HK1: variants seen among roughly 807,000 people sequenced by gnomAD.
The protein encoded by HK1 is hexokinase-1.
A neutral mutation model predicts 91.6 loss-of-function variants in HK1; 28 were observed. The observed-to-expected ratio is 0.31, with a 90% CI of 0.23 to 0.42. The LOEUF (loss-of-function observed/expected upper bound fraction) is 0.42, where lower values mean the gene tolerates loss of function less well. HK1 is among the 10% of genes least tolerant of loss of function. The pLI, the probability that HK1 is intolerant of heterozygous loss-of-function variation, is 1.00. For synonymous variants in HK1, 430 were observed against 468.1 expected, an observed-to-expected ratio of 0.92 and a Z score of 1.05; for missense variants, 770 against 1,219.8, an observed-to-expected ratio of 0.63 and a Z score of 5.49.
chr10:69,287,186 GAGGCCT>G (rs1845072267), intron 2 of HK1, among the ~76,000 whole-genome samples: 1 of 152,204 alleles, frequency 6.6e-6, no homozygotes, highest in Non-Finnish European at 1.5e-5. Context: ...CATGGCTAGA[GAGGCCT>G]CAGGAAACTT....
intron 2 of HK1, among the ~76,000 whole-genome samples, chr10:69,351,006 TA>T (rs71009213): frequency 0.027 from 2,904 of 108,706 alleles, 41 homozygotes; most frequent in Non-Finnish European, 0.034. Flanking sequence ...CCGTCTCTAC[TA>T]AAAAAAAAAA....
At chr10:69,378,128 C>T (rs1839208077) in intron 8 of HK1, among the ~76,000 whole-genome samples, 1 of 152,094 alleles carries the variant, frequency 6.6e-6, no homozygotes, top group Non-Finnish European at 1.5e-5. Flanking sequence ...TCATGAGTCT[C>T]CTGGTCAGTG....
At chr10:69,310,231 G>A (rs1303726253) in intron 5 of HK1, among the ~76,000 whole-genome samples, 1 of 150,944 alleles carries the variant, frequency 6.6e-6, no homozygotes, top group Non-Finnish European at 1.5e-5. Context: ...GACCAGGCTG[G>A]CCAACATGGC....
chr10:69,301,573 C>CAAAAAA (rs3086649), intron 5 of HK1, among the ~76,000 whole-genome samples: 136 of 80,666 alleles, frequency 1.7e-3, no homozygotes, highest in Middle Eastern at 9.1e-3. Context: ...GACTCTGTCT[C>CAAAAAA]AAAAAAAAAA....
In HK1 at chr10:69,399,890, T is replaced by C. The variant is rs574477577; in HGVS notation, c.2609+1062T>C. On this transcript the variant is annotated intron_variant, in intron 17 of 17. Transcript: ENST00000359426. ...CTACTTATAAGCAACCTCACCCGACTCAGTGTAGACATTACCTGCTTACCT... is the reference window on the plus strand; with the variant it reads ...CTACTTATAAGCAACCTCACCCGACCCAGTGTAGACATTACCTGCTTACCT... Among the ~76,000 whole-genome samples the C allele has an allele frequency of 1.1e-3, 165 of 152,270 alleles. 5 individuals carry two copies. The South Asian group carries it at 0.029, about 27-fold the overall frequency.
intron 14 of HK1, among the ~76,000 whole-genome samples, chr10:69,390,867 A>C (rs1020323235): frequency 6.6e-6 from 1 of 152,034 alleles, no homozygotes; most frequent in Non-Finnish European, 1.5e-5. Flanking sequence ...TGTGTGAAGC[A>C]CTCTTCCTGG....
chr10:69,391,448 C>T (rs1839892362), intron 14 of HK1, among the ~76,000 whole-genome samples: 1 of 152,188 alleles, frequency 6.6e-6, no homozygotes, highest in South Asian at 2.1e-4. Context: ...TTGAGATGAA[C>T]CTAGGCAACA....
chr10:69,309,268 G>A (rs11819352), intron 5 of HK1, among the ~76,000 whole-genome samples: 3,008 of 149,212 alleles, frequency 0.02, 111 homozygotes, highest in African/African-American at 0.07. Context: ...TGCAAGCTCC[G>A]CCTGCTGGGT....
At position 69,401,123 on chromosome 10, in the gene HK1, G is replaced by A; in HGVS notation, c.2742G>A (p.Glu914=). The change falls in exon 18 of 18, where the codon GAG becomes GAA. Residue 914 remains glutamate, a synonymous_variant. Coordinates refer to ENST00000359426, the MANE Select transcript of HK1 (RefSeq NM_000188.3). Reference sequence around the variant, plus strand: ...CCGTGGGCGTGCGGTTACGCACAGAGGCAAGCAGCTAAGAGTCCGGGATCC... The same window carrying A: ...CCGTGGGCGTGCGGTTACGCACAGAAGCAAGCAGCTAAGAGTCCGGGATCC... ...ITAVGVRLRT[E]ASS 1 of 1,613,872 alleles carries A rather than the reference G, an allele frequency of 6.2e-7. No individual in the cohort carries two copies. Among genetic ancestry groups the A allele is most frequent in the South Asian group, 1.1e-5 (1 of 91,080 alleles).
chr10:69,336,685 G>C (rs1204606595), intron 1 of HK1, among the ~76,000 whole-genome samples: 9 of 144,552 alleles, frequency 6.2e-5, no homozygotes, highest in Admixed American at 2.1e-4. Context: ...TGTTGCCCAG[G>C]CTGGAGTGCA....
intron 16 of HK1, among the ~76,000 whole-genome samples, chr10:69,395,786 C>T (rs1840107754): frequency 6.6e-6 from 1 of 152,132 alleles, no homozygotes; most frequent in Non-Finnish European, 1.5e-5. Flanking sequence ...GCCAGGCCAC[C>T]CAGGAGCTGA....
chr10:69,393,364 G>A (rs750206657), intron 15 of HK1, among the ~76,000 whole-genome samples: 1 of 148,300 alleles, frequency 6.7e-6, no homozygotes, highest in Non-Finnish European at 1.5e-5. Context: ...GTGCAGTGGT[G>A]CGAGCTCAGC....
upstream of HK1, among the ~76,000 whole-genome samples, chr10:69,314,239 A>G (rs1480748440): frequency 6.6e-6 from 1 of 152,246 alleles, no homozygotes; most frequent in East Asian, 1.9e-4. Flanking sequence ...GCTAGGGTCT[A>G]AATCAGTGGT....
chr10:69,380,242 G>A lies in HK1; in HGVS notation c.1265+147G>A. 1.4e-6 allele frequency: 1 copy of A among 731,408 alleles called. No individual in the cohort carries two copies. The highest frequency in any genetic ancestry group is 1.5e-5 in the South Asian group (1 of 67,488). The allele number at this position is 731,408 out of a possible 1,614,324, so 45.3% of individuals were successfully genotyped here. ...GCTGTGGCTCATGCCTGTAATCTTAGCACTTTGAGAGGCCGAGGCAGGAGG... is the reference window on the plus strand; with the variant it reads ...GCTGTGGCTCATGCCTGTAATCTTAACACTTTGAGAGGCCGAGGCAGGAGG... On this transcript the variant is annotated intron_variant, in intron 9 of 17. Transcript: ENST00000359426. This position sits in a 1 kb window ranked among gnomAD's most constrained non-coding sequence, Gnocchi z 4.0.
rs140196013 is a variant in HK1 at position 69,397,304 on chromosome 10, G to T, written c.2376-1291G>T. On this transcript the variant is annotated intron_variant, in intron 16 of 17. Coordinates refer to ENST00000359426, the MANE Select transcript of HK1 (RefSeq NM_000188.3). ...AAAGTTCTAGTTTCTCCACATCCTC[G>T]CCAACACTTGTTATTTTCTGAGTTG... Among the ~76,000 whole-genome samples the T allele has an allele frequency of 1.9e-3, 286 of 152,176 alleles. 2 individuals are homozygous for T. Among genetic ancestry groups the T allele is most frequent in the African/African-American group, 6.7e-3 (278 of 41,506 alleles).
chr10:69,310,073 G>T lies in HK1; in HGVS notation c.27+9212G>T, dbSNP rs561678470. On this transcript the variant is annotated intron_variant, in intron 5 of 21. Transcript: ENST00000360289. ...CTCATAAAAAAAAAAAAAAGAGATT[G>T]TACCACTGAACTCCAGCCTGGGTGA... Among the ~76,000 whole-genome samples the T allele has an allele frequency of 8.1e-4, 117 of 143,580 alleles. No individual in the cohort carries two copies. The Middle Eastern group carries it at 0.011, about 14-fold the overall frequency. The allele number at this position is 143,580 out of a possible 152,430, so 94.2% of individuals were successfully genotyped here. A position where few individuals can be genotyped will look rare whatever the true frequency, so the allele number is the denominator to read the frequency against.
At chr10:69,288,660 C>T (rs1459158821) in intron 2 of HK1, 2 of 1,295,228 alleles carry the variant, frequency 1.5e-6, no homozygotes, top group African/African-American at 1.5e-5. Flanking sequence ...TTGAACTTGG[C>T]CTTTCTCTAG....
intron 10 of HK1, among the ~76,000 whole-genome samples, chr10:69,383,314 A>C (rs1003079291): frequency 1.3e-5 from 2 of 152,262 alleles, no homozygotes; most frequent in African/African-American, 4.8e-5. Context: ...TAGAGTATGC[A>C]TGAGGCATTC....
intron 3 of HK1, chr10:69,292,369 A>G (rs1183873646): frequency 6.7e-6 from 3 of 445,756 alleles, no homozygotes; most frequent in South Asian, 4.8e-5. Flanking sequence ...CACTGCACCC[A>G]GCTTAGGACC....
Sources: allele counts gnomAD v4.1 joint callset (sites outside exome capture counted in the v4.1 genomes callset), GRCh38; gene constraint gnomAD v4.1.1; non-coding constraint Gnocchi (gnomAD v3.1); transcripts MANE v1.5; gene names NCBI Gene and HGNC (gene_info 2026-07-23, HGNC 2026-07-21).